The following B4GALT4 variants were observed in gnomAD, a reference collection of about 807,000 sequenced individuals.
B4GALT4 encodes beta-1,4-galactosyltransferase 4, also known as N-acetyllactosamine synthase.
A neutral mutation model predicts 37.3 loss-of-function variants in B4GALT4; 27 were observed. The ratio of observed to expected loss-of-function variants is 0.72; its 90% CI spans 0.53 to 1.00. The LOEUF is 1.00. Among genes scored for constraint, B4GALT4 ranks in the 50% least tolerant of loss-of-function variants. The pLI is 0.00. For synonymous variants in B4GALT4, 148 were observed against 154.1 expected (o/e 0.96, Z 0.29); for missense variants, 372 against 413.1 (o/e 0.90, Z 0.86).
At chr3:119,223,224 C>T (rs560420519) in intron 5 of B4GALT4, among the ~76,000 whole-genome samples, 1 of 152,258 alleles carries the variant, frequency 6.6e-6, no homozygotes. Flanking sequence ...CACACTGACA[C>T]TCAACGGGGA....
intron 4 of B4GALT4, among the ~76,000 whole-genome samples, chr3:119,224,559 T>C (rs1031347057): frequency 2.0e-5 from 3 of 152,244 alleles, no homozygotes; most frequent in Non-Finnish European, 4.4e-5. Flanking sequence ...ATACACTGCA[T>C]ATATTTATGC....
At chr3:119,239,309 G>C (rs982839763) in intron 1 of B4GALT4, among the ~76,000 whole-genome samples, 2 of 129,424 alleles carry the variant, frequency 1.5e-5, no homozygotes, top group Admixed American at 8.6e-5. Context: ...CTGGGCCACA[G>C]AGCCAGATTC....
intron 4 of B4GALT4, among the ~76,000 whole-genome samples, chr3:119,225,550 C>A (rs894318006): frequency 6.9e-6 from 1 of 144,296 alleles, no homozygotes; most frequent in African/African-American, 2.6e-5. Flanking sequence ...GCATGTGCCA[C>A]CACACCCAAC....
intron 3 of B4GALT4, 22 bp downstream of exon 3, chr3:119,229,824 CA>C: frequency 1.9e-6 from 3 of 1,609,204 alleles, no homozygotes; most frequent in Non-Finnish European, 2.5e-6. Context: ...ACTACTTAAT[CA>C]AAGGAAAAAA....
intron 6 of B4GALT4, 83 bp downstream of exon 6, chr3:119,218,567 C>G (rs776032809): frequency 1.0e-4 from 164 of 1,574,898 alleles, no homozygotes; most frequent in Non-Finnish European, 1.4e-4. Context: ...GGACTGGCAT[C>G]TAAAGGAATA....
At chr3:119,239,762 C>T (rs556051325) in intron 1 of B4GALT4, among the ~76,000 whole-genome samples, 30 of 152,214 alleles carry the variant, frequency 2.0e-4, no homozygotes, top group Admixed American at 1.6e-3. Context: ...TTTACAATTT[C>T]CATAAAGAAC....
intron 2 of B4GALT4, among the ~76,000 whole-genome samples, chr3:119,232,012 A>C (rs779371807): frequency 1.6e-4 from 25 of 151,980 alleles, no homozygotes; most frequent in Admixed American, 9.8e-4. Flanking sequence ...AAAAAACAAC[A>C]ACCACCTCAG....
intron 7 of B4GALT4, chr3:119,212,928 C>T (rs958625995): frequency 1.9e-5 from 8 of 430,924 alleles, no homozygotes; most frequent in African/African-American, 1.2e-4. Flanking sequence ...AGTGAGCCCC[C>T]AGTCTACAGG....
At chr3:119,222,035 T>C (rs1355859468) in intron 5 of B4GALT4, among the ~76,000 whole-genome samples, 2 of 152,208 alleles carry the variant, frequency 1.3e-5, no homozygotes, top group South Asian at 2.1e-4. Context: ...AGCCTTCTTA[T>C]GGTTCAGCTT....
intron 7 of B4GALT4, chr3:119,215,898 AGGTATGATAAT>A (rs1304429331): frequency 6.3e-6 from 1 of 159,594 alleles, no homozygotes; most frequent in African/African-American, 2.4e-5. Flanking sequence ...ATTTTATTCT[AGGTATGATAAT>A]GGTATTCTGA....
chr3:119,221,918 G>A (rs2078461363), intron 5 of B4GALT4, among the ~76,000 whole-genome samples: 1 of 152,186 alleles, frequency 6.6e-6, no homozygotes, highest in Admixed American at 6.5e-5. Flanking sequence ...AACAGCAAGA[G>A]TCATACATAT....
rs2079000388 is a variant in B4GALT4, at chr3:119,236,851, A to C, written c.-146+2T>G. On this transcript the variant is annotated splice_donor_variant, in intron 2 of 7. Coordinates refer to ENST00000393765, the MANE Select transcript of B4GALT4 (RefSeq NM_003778.4). LOFTEE classifies it low-confidence loss of function (5UTR_SPLICE). The stretch of plus-strand genomic sequence containing the variant: ...ACACTTTTCTAAGGGTAGGGTCCTC[A>C]CCTTTAACAAATGGCACTTTTGGTC... 1 of 152,198 alleles carries C rather than the reference A, an allele frequency of 6.6e-6. No homozygotes were observed. The highest frequency in any genetic ancestry group is 6.5e-5 in the Admixed American group (1 of 15,284). 9.4% of individuals were successfully genotyped at this position (152,198 alleles called of 1,614,324 possible).
intron 5 of B4GALT4, among the ~76,000 whole-genome samples, chr3:119,221,040 CTG>C: frequency 6.6e-6 from 1 of 151,512 alleles, no homozygotes; most frequent in Middle Eastern, 3.5e-3. Context: ...ACAACTATCT[CTG>C]TGTTTATTGA....
intron 4 of B4GALT4, chr3:119,226,546 G>C: frequency 2.2e-6 from 1 of 463,732 alleles, no homozygotes. Context: ...GGCAGTCATT[G>C]GCTAACATGG....
chr3:119,214,380 A>T (rs2078236861), intron 7 of B4GALT4: 1 of 152,258 alleles, frequency 6.6e-6, no homozygotes, highest in Non-Finnish European at 1.5e-5. Context: ...CAGATTCTTC[A>T]ATCAAAGCCT....
At chr3:119,221,409 A>C (rs2078446944) in intron 5 of B4GALT4, among the ~76,000 whole-genome samples, 3 of 152,232 alleles carry the variant, frequency 2.0e-5, no homozygotes, top group Non-Finnish European at 4.4e-5. Flanking sequence ...CTGGTGTGAC[A>C]GTGATGAGGC....
chr3:119,240,282 AAGAC>A (rs1381472452), intron 1 of B4GALT4: 1 of 151,998 alleles, frequency 6.6e-6, no homozygotes, highest in Non-Finnish European at 1.5e-5. Flanking sequence ...TATCTAATGG[AAGAC>A]AGAACATCAA....
chr3:119,212,084 C>CA lies in B4GALT4; in HGVS notation c.*464_*465insT. On this transcript the variant is annotated 3_prime_UTR_variant, in exon 8 of 8. Transcript: ENST00000393765. ...GACGCCTTCTCACCTGACACCACCA[C>CA]TTCACAGATGATTGTACAGGATAAA... 1 of 699,128 alleles carries CA rather than the reference C, an allele frequency of 1.4e-6. No homozygotes were observed. The highest frequency in any genetic ancestry group is 1.7e-5 in the African/African-American group (1 of 57,288). The allele number at this position is 699,128 out of a possible 1,614,324, so 43.3% of individuals were successfully genotyped here. A position where few individuals can be genotyped will look rare whatever the true frequency, so the allele number is the denominator to read the frequency against.
At chr3:119,226,760 C>T (rs1447570492) in intron 4 of B4GALT4, 49 bp downstream of exon 4, 3 of 1,512,138 alleles carry the variant, frequency 2.0e-6, no homozygotes, top group African/African-American at 2.8e-5. Flanking sequence ...CCAAGTCTGG[C>T]AGAGAAGAGG....
Sources: allele counts gnomAD v4.1 joint callset (sites outside exome capture counted in the v4.1 genomes callset), GRCh38; gene constraint gnomAD v4.1.1; transcripts MANE v1.5; gene names NCBI Gene and HGNC (gene_info 2026-07-23, HGNC 2026-07-21).